The following SLA variants were observed in gnomAD, a reference collection of about 807,000 sequenced individuals.
The protein encoded by SLA is src-like-adapter.
A neutral mutation model predicts 30.3 loss-of-function variants in SLA; 16 were observed. The ratio of observed to expected loss-of-function variants is 0.53; its 90% CI spans 0.36 to 0.80. SLA has a LOEUF of 0.80. Among genes scored for constraint, SLA ranks in the 30% least tolerant of loss-of-function variants. The pLI is 0.01. For synonymous variants in SLA, 143 were observed against 137.8 expected, an observed-to-expected ratio of 1.04 and a Z score of -0.26; for missense variants, 310 against 345.2, an observed-to-expected ratio of 0.90 and a Z score of 0.81.
intron 5 of SLA, chr8:133,049,466 C>T (rs980519085): frequency 3.5e-6 from 1 of 287,876 alleles, no homozygotes; most frequent in Non-Finnish European, 6.9e-6. Flanking sequence ...TTATCCCTGT[C>T]GTTCTATGTT....
At chr8:133,040,991 G>A (rs1380435185) in intron 7 of SLA, among the ~76,000 whole-genome samples, 1 of 152,168 alleles carries the variant, frequency 6.6e-6, no homozygotes, top group Non-Finnish European at 1.5e-5. Context: ...GGCACATTAC[G>A]ATGTAGCTTC....
At chr8:133,101,332 A>T (rs1279453514) in intron 1 of SLA, among the ~76,000 whole-genome samples, 1 of 152,178 alleles carries the variant, frequency 6.6e-6, no homozygotes, top group Non-Finnish European at 1.5e-5. Context: ...GTGCCCTTGT[A>T]TTGCCCTCCC....
At chr8:133,067,149 G>A (rs1587967157) in intron 2 of SLA, among the ~76,000 whole-genome samples, 1 of 152,114 alleles carries the variant, frequency 6.6e-6, no homozygotes, top group African/African-American at 2.4e-5. Context: ...GATTTCCGGG[G>A]TCACCCACCA....
At chr8:133,060,755 T>A (rs957233531) in intron 2 of SLA, among the ~76,000 whole-genome samples, 2 of 152,234 alleles carry the variant, frequency 1.3e-5, no homozygotes, top group African/African-American at 4.8e-5. Context: ...TGAAGCCCTT[T>A]CACATCAACT....
At chr8:133,057,687 C>T (rs535460132) in intron 3 of SLA, among the ~76,000 whole-genome samples, 11 of 151,628 alleles carry the variant, frequency 7.3e-5, no homozygotes, top group African/African-American at 2.4e-4. Context: ...TCAAGTCCTG[C>T]TTCCTTTTGT....
intron 2 of SLA, among the ~76,000 whole-genome samples, chr8:133,071,288 A>AG (rs1229700724): frequency 1.3e-5 from 2 of 152,210 alleles, no homozygotes; most frequent in African/African-American, 4.8e-5. Flanking sequence ...CCAAGGCCAG[A>AG]GCATTCACAT....
chr8:133,082,734 T>C (rs1215701064), intron 1 of SLA, among the ~76,000 whole-genome samples: 1 of 152,244 alleles, frequency 6.6e-6, no homozygotes, highest in East Asian at 1.9e-4. Context: ...AAAATGACGG[T>C]AGGATCTGTA....
intron 7 of SLA, among the ~76,000 whole-genome samples, chr8:133,040,758 G>A (rs981145761): frequency 1.3e-5 from 2 of 152,076 alleles, no homozygotes; most frequent in East Asian, 3.9e-4. Flanking sequence ...GGAAGAGGAG[G>A]AGGTGAAAAT....
intron 1 of SLA, among the ~76,000 whole-genome samples, chr8:133,094,428 G>A (rs1299986767): frequency 1.3e-5 from 2 of 151,936 alleles, no homozygotes; most frequent in Non-Finnish European, 2.9e-5. Context: ...TTTTAGTAGA[G>A]ATGGGGTTTC....
chr8:133,055,349 A>ACACGCACG (rs1841187658), intron 3 of SLA, among the ~76,000 whole-genome samples: 1 of 80,538 alleles, frequency 1.2e-5, no homozygotes, highest in South Asian at 3.1e-4. Flanking sequence ...TCTTCAGGAC[A>ACACGCACG]CACACACGCA....
intron 1 of SLA, among the ~76,000 whole-genome samples, chr8:133,092,785 A>G (rs758396090): frequency 3.3e-4 from 50 of 152,192 alleles, no homozygotes; most frequent in Non-Finnish European, 6.6e-4. Context: ...CAAGTGCTTT[A>G]AAATGAAGGC....
At position 133,045,387 on chromosome 8, in the gene SLA, CTTTTTTTTTT is replaced by C. The variant is rs5895172; in HGVS notation, c.353-282_353-273del. Among the ~76,000 whole-genome samples, 3 of 65,900 alleles carry C rather than the reference CTTTTTTTTTT, an allele frequency of 4.6e-5. No homozygotes were observed. In the South Asian group the frequency reaches 2.4e-3, roughly 52 times the overall value. 43.2% of individuals were successfully genotyped at this position (65,900 alleles called of 152,430 possible). The stretch of plus-strand genomic sequence containing the variant: ...AGGAACACAGGTTTCATCCTCTTTG[CTTTTTTTTTT>C]TTTTTTTTTTTTTTTGAGTCTGGGT... On this transcript the variant is annotated intron_variant, in intron 6 of 8. Transcript: ENST00000338087.
Position 133,039,020 on chromosome 8 carries a change from A to G in SLA, c.618-283T>C, listed in dbSNP as rs532173034. Among the ~76,000 whole-genome samples the G allele has an allele frequency of 3.9e-5, 6 of 152,128 alleles. No individual in the cohort carries two copies. In the South Asian group the frequency reaches 1.0e-3, roughly 26 times the overall value. Reference sequence around the variant, plus strand: ...AGCCTCCTGAGTAGCTGGGATTACAACCATCCACCACCACGCCCAGCTAAT... The same window carrying G: ...AGCCTCCTGAGTAGCTGGGATTACAGCCATCCACCACCACGCCCAGCTAAT... On this transcript the variant is annotated intron_variant, in intron 8 of 8. Transcript: ENST00000338087.
chr8:133,094,243 T>A, intron 1 of SLA, among the ~76,000 whole-genome samples: 2 of 14,004 alleles, frequency 1.4e-4, no homozygotes, highest in Non-Finnish European at 2.2e-4. Flanking sequence ...TGTCGTTTTC[T>A]TTTTTTTTTT....
chr8:133,045,690 G>A (rs1839238895), intron 6 of SLA, among the ~76,000 whole-genome samples: 1 of 151,948 alleles, frequency 6.6e-6, no homozygotes, highest in South Asian at 2.1e-4. Flanking sequence ...CTACCATGCC[G>A]GGCCTCATCC....
rs36210010 is a variant in SLA, at chr8:133,055,824, C to CCAGCAGCAGCAG, written c.61+4264_61+4275dup. ...ATTCCCTTCCTCCCCCTCCTCATCA[C>CCAGCAGCAGCAG]CAGCAGCAGCAGCAGCAGCAGCAGC... On this transcript the variant is annotated intron_variant, in intron 3 of 8. Transcript: ENST00000338087. 6.6e-5 allele frequency among the ~76,000 whole-genome samples: 10 copies of CCAGCAGCAGCAG among 150,884 alleles called. No homozygotes were observed. In the South Asian group the frequency reaches 1.5e-3, roughly 22 times the overall value.
chr8:133,056,849 G>A (rs987335025), intron 3 of SLA, among the ~76,000 whole-genome samples: 2 of 152,168 alleles, frequency 1.3e-5, no homozygotes, highest in African/African-American at 4.8e-5. Context: ...CTAAAAGCTG[G>A]TCTGTGGTCT....
intron 3 of SLA, among the ~76,000 whole-genome samples, chr8:133,054,274 TTAAGA>T (rs1434991181): frequency 2.0e-5 from 3 of 152,026 alleles, no homozygotes; most frequent in Admixed American, 1.3e-4. Flanking sequence ...TATTGCAGAC[TTAAGA>T]TAAGGAAACA....
intron 2 of SLA, among the ~76,000 whole-genome samples, chr8:133,065,370 C>T (rs1165634516): frequency 2.0e-5 from 3 of 152,252 alleles, no homozygotes; most frequent in Non-Finnish European, 2.9e-5. Flanking sequence ...GCTCTAAAAC[C>T]TGTGCTCTAA....
Sources: gnomAD v4.1 joint callset for allele counts (sites outside exome capture counted in the v4.1 genomes callset) on GRCh38, gnomAD v4.1.1 for gene constraint, MANE v1.5 for transcripts, NCBI Gene and HGNC (gene_info 2026-07-23, HGNC 2026-07-21) for gene names.